Variants in MAD1L1 observed in about 807,000 individuals in gnomAD.
MAD1L1 encodes the protein mitotic arrest deficient 1 like 1.
A neutral mutation model predicts 96.9 loss-of-function variants in MAD1L1; 95 were observed. The observed-to-expected ratio is 0.98, with a 90% confidence interval of 0.83 to 1.16. MAD1L1 has a LOEUF of 1.16. Ranked by LOEUF, MAD1L1 falls within the 50% of genes most tolerant of loss-of-function variation. The probability of loss-of-function intolerance (pLI) is 0.00; values close to 1 mark genes in which losing one functional copy is unlikely to be tolerated. For missense variants in MAD1L1, 1,007 were observed against 954.4 expected (o/e 1.06, Z -0.73); for synonymous variants, 473 against 396.6 (o/e 1.19, Z -2.29).
At chr7:2,076,659 C>T (rs1230975446) in intron 11 of MAD1L1, among the ~76,000 whole-genome samples, 2 of 152,184 alleles carry the variant, frequency 1.3e-5, no homozygotes, top group Admixed American at 1.3e-4. Context: ...GCACAGTTAG[C>T]CTGCAGCACA....
At chr7:1,964,730 C>T (rs1046876798) in intron 15 of MAD1L1, among the ~76,000 whole-genome samples, 27 of 152,300 alleles carry the variant, frequency 1.8e-4, no homozygotes, top group African/African-American at 6.5e-4. Context: ...CGAGCGTGTG[C>T]GTGGAAAGCA....
At chr7:2,155,687 G>A (rs563979955) in intron 10 of MAD1L1, among the ~76,000 whole-genome samples, 96 of 152,290 alleles carry the variant, frequency 6.3e-4, no homozygotes, top group African/African-American at 2.3e-3. Flanking sequence ...GCTACACAAC[G>A]TTTATCCACT....
intron 18 of MAD1L1, among the ~76,000 whole-genome samples, chr7:1,873,695 G>A (rs1400473266): frequency 6.6e-6 from 1 of 152,076 alleles, no homozygotes; most frequent in Admixed American, 6.5e-5. Flanking sequence ...TGGGGGAGTG[G>A]GCACCCCGGG....
chr7:2,075,713 G>A (rs978942157), intron 11 of MAD1L1, among the ~76,000 whole-genome samples: 4 of 152,138 alleles, frequency 2.6e-5, no homozygotes, highest in Admixed American at 6.5e-5. Flanking sequence ...AGAAACTCCC[G>A]GCCTAAGAAT....
At chr7:1,865,193 G>C (rs558164138) in intron 18 of MAD1L1, among the ~76,000 whole-genome samples, 1 of 152,288 alleles carries the variant, frequency 6.6e-6, no homozygotes, top group African/African-American at 2.4e-5. Flanking sequence ...CCCACCCTAT[G>C]GGATCTGGCC....
rs201507669 is a variant in MAD1L1, at chr7:2,164,602, G to C, written c.987-15364C>G. Among the ~76,000 whole-genome samples the C allele has an allele frequency of 4.1e-4, 58 of 142,280 alleles. 5 individuals carry two copies. The South Asian group carries it at 0.011, about 27-fold the overall frequency. The allele number at this position is 142,280 out of a possible 152,430, so 93.3% of individuals were successfully genotyped here. ...TAAGAAGCAGGAAAAATGGGGGGGG[G>C]GGGGGTTGCGGGTGGTAGAGGAAAA... On this transcript the variant is annotated intron_variant, in intron 10 of 18. Transcript: ENST00000265854.
intron 15 of MAD1L1, among the ~76,000 whole-genome samples, chr7:1,973,510 T>G (rs908978311): frequency 6.7e-6 from 1 of 149,982 alleles, no homozygotes; most frequent in African/African-American, 2.5e-5. Context: ...GCCCCTACAG[T>G]GGGGAATGTG....
chr7:2,202,485 C>A (rs1792365881), intron 10 of MAD1L1, among the ~76,000 whole-genome samples: 1 of 152,202 alleles, frequency 6.6e-6, no homozygotes, highest in African/African-American at 2.4e-5. Context: ...ATCATGGGCT[C>A]CACAAGAGCA....
intron 6 of MAD1L1, 115 bp downstream of exon 6, chr7:2,219,217 A>G: frequency 9.8e-7 from 1 of 1,015,562 alleles, no homozygotes; most frequent in East Asian, 2.6e-5. Context: ...AGTGTCTGTG[A>G]ATTAGGACAG....
At chr7:1,941,935 G>A (rs1401894321) in intron 16 of MAD1L1, among the ~76,000 whole-genome samples, 2 of 152,194 alleles carry the variant, frequency 1.3e-5, no homozygotes, top group Non-Finnish European at 2.9e-5. Flanking sequence ...TGTAAGTTCA[G>A]GGGACTTTCC....
At chr7:2,006,757 C>T (rs573787213) in intron 13 of MAD1L1, among the ~76,000 whole-genome samples, 10 of 152,274 alleles carry the variant, frequency 6.6e-5, no homozygotes, top group East Asian at 5.8e-4. Flanking sequence ...CCCAAGACGA[C>T]GCTCTCTGTG....
chr7:2,009,713 C>G (rs944412863), intron 13 of MAD1L1, among the ~76,000 whole-genome samples: 11 of 152,098 alleles, frequency 7.2e-5, no homozygotes, highest in South Asian at 4.1e-4. Context: ...GCAAGGAAGG[C>G]TAGGGGGTGG....
chr7:2,050,807 G>C (rs1784135781), intron 12 of MAD1L1, among the ~76,000 whole-genome samples: 1 of 152,198 alleles, frequency 6.6e-6, no homozygotes. Context: ...CACCTGTGCG[G>C]AACGGCCAGG....
intron 11 of MAD1L1, among the ~76,000 whole-genome samples, chr7:2,147,759 C>T (rs1262246183): frequency 1.3e-5 from 2 of 152,252 alleles, no homozygotes; most frequent in Non-Finnish European, 2.9e-5. Flanking sequence ...ATTCCCAAAC[C>T]AATCCCCCCA....
At chr7:2,052,296 G>A (rs1036085639) in intron 12 of MAD1L1, among the ~76,000 whole-genome samples, 1 of 152,232 alleles carries the variant, frequency 6.6e-6, no homozygotes, top group Non-Finnish European at 1.5e-5. Context: ...ACAGAGCACA[G>A]GCAGCGGCGT....
intron 12 of MAD1L1, among the ~76,000 whole-genome samples, chr7:2,056,620 C>T (rs55893771): frequency 0.14 from 20,784 of 152,190 alleles, 1,728 homozygotes; most frequent in Middle Eastern, 0.29. Flanking sequence ...GTGCTCACCT[C>T]GAACCAAGGC....
At chr7:1,820,672 G>A (rs1414008383) in intron 18 of MAD1L1, among the ~76,000 whole-genome samples, 1 of 152,072 alleles carries the variant, frequency 6.6e-6, no homozygotes, top group Non-Finnish European at 1.5e-5. Context: ...GGGCCTAGGA[G>A]TTTGAGGCTG....
chr7:2,049,660 C>T (rs1299672197), intron 12 of MAD1L1, among the ~76,000 whole-genome samples: 1 of 152,208 alleles, frequency 6.6e-6, no homozygotes, highest in African/African-American at 2.4e-5. Flanking sequence ...AGGAGCCACC[C>T]AAGGGGCACT....
chr7:1,893,050 C>T (rs1786646238), intron 18 of MAD1L1, among the ~76,000 whole-genome samples: 1 of 152,194 alleles, frequency 6.6e-6, no homozygotes, highest in African/African-American at 2.4e-5. Context: ...CTGAGCCTCC[C>T]CGCTCCAGGC....
Sources: gnomAD v4.1 joint callset for allele counts (sites outside exome capture counted in the v4.1 genomes callset) on GRCh38, gnomAD v4.1.1 for gene constraint, MANE v1.5 for transcripts, NCBI Gene and HGNC (gene_info 2026-07-23, HGNC 2026-07-21) for gene names.